The following RBFOX2 variants were observed in gnomAD, a reference collection of about 807,000 sequenced individuals.
RBFOX2 encodes RNA binding protein fox-1 homolog 2.
A neutral mutation model predicts 49.1 loss-of-function variants in RBFOX2; 10 were observed. That is an observed-to-expected ratio of 0.20 (90% confidence interval 0.13 to 0.35). RBFOX2 has a LOEUF of 0.35. Ranked by LOEUF, RBFOX2 falls within the 10% of genes least tolerant of loss-of-function variation. The pLI is 1.00. For synonymous variants in RBFOX2, 183 were observed against 187.4 expected (o/e 0.98, Z 0.19); for missense variants, 323 against 486.9 (o/e 0.66, Z 3.17).
upstream of RBFOX2, among the ~76,000 whole-genome samples, chr22:35,964,871 T>A (rs1320418166): frequency 6.6e-6 from 1 of 152,102 alleles, no homozygotes; most frequent in Non-Finnish European, 1.5e-5. Flanking sequence ...AACAATCACC[T>A]TTTCTGGAAA....
intron 2 of RBFOX2, among the ~76,000 whole-genome samples, chr22:35,790,042 T>C (rs1186866404): frequency 6.6e-6 from 1 of 152,214 alleles, no homozygotes; most frequent in Non-Finnish European, 1.5e-5. Flanking sequence ...TCCAATCTTC[T>C]AACTGATGTC....
intron 1 of RBFOX2, among the ~76,000 whole-genome samples, chr22:36,014,070 C>CT (rs1411918844): frequency 1.3e-4 from 19 of 149,058 alleles, no homozygotes; most frequent in Non-Finnish European, 2.7e-4. Context: ...AGTTATTTAA[C>CT]TTTTTTTGGT....
At chr22:35,809,902 C>T (rs375007449) in exon 2 of RBFOX2, 4 of 1,613,898 alleles carry the variant, frequency 2.5e-6, no homozygotes, top group South Asian at 1.1e-5. Context: ...GTGTGTGGCA[C>T]CCCATACTCT....
intron 1 of RBFOX2, among the ~76,000 whole-genome samples, chr22:36,013,010 C>T (rs990529026): frequency 5.3e-5 from 8 of 152,182 alleles, no homozygotes; most frequent in African/African-American, 1.4e-4. Flanking sequence ...GTGATTCGCC[C>T]GCCTCGGCTT....
chr22:35,896,246 C>G (rs2047827317), intron 1 of RBFOX2, among the ~76,000 whole-genome samples: 2 of 152,196 alleles, frequency 1.3e-5, no homozygotes, highest in Non-Finnish European at 2.9e-5. Flanking sequence ...GACCTAACAT[C>G]TCGTCTTGGC....
intron 1 of RBFOX2, among the ~76,000 whole-genome samples, chr22:36,010,684 T>C (rs12163494): frequency 6.6e-6 from 1 of 151,372 alleles, no homozygotes; most frequent in African/African-American, 2.4e-5. Context: ...AAGCCTAAGT[T>C]TGATATCATT....
chr22:35,818,639 T>C (rs1399212545), intron 1 of RBFOX2, among the ~76,000 whole-genome samples: 3 of 151,920 alleles, frequency 2.0e-5, no homozygotes, highest in Non-Finnish European at 2.9e-5. Context: ...TTTTTTTAAA[T>C]AGCCAGGTGT....
intron 1 of RBFOX2, among the ~76,000 whole-genome samples, chr22:35,895,147 C>T (rs2047689494): frequency 6.6e-6 from 1 of 151,702 alleles, no homozygotes; most frequent in Non-Finnish European, 1.5e-5. Context: ...CTAGAGTGTA[C>T]AGCACACTCT....
At chr22:35,876,701 A>AACACACACACACACACACAC (rs142455818) in intron 1 of RBFOX2, among the ~76,000 whole-genome samples, 1 of 140,458 alleles carries the variant, frequency 7.1e-6, no homozygotes, top group Non-Finnish European at 1.6e-5. Flanking sequence ...CATTAAAAGA[A>AACACACACACACACACACAC]ACACACACAC....
rs563174479 is a variant in RBFOX2, at chr22:35,868,528, C to T, written c.-33-58524G>A. Among the ~76,000 whole-genome samples, 90 of 151,980 alleles carry T rather than the reference C, an allele frequency of 5.9e-4. No individual in the cohort carries two copies. The Middle Eastern group carries it at 0.014, about 23-fold the overall frequency. On this transcript the variant is annotated intron_variant, in intron 1 of 13. Transcript: ENST00000359369. Reference sequence around the variant, plus strand: ...AATCTGGGAGGCCAAGGTGGGAGGACTGCTTCAGCCCAGGAGTTCAAGACC... The same window carrying T: ...AATCTGGGAGGCCAAGGTGGGAGGATTGCTTCAGCCCAGGAGTTCAAGACC...
chr22:35,807,935 T>A (rs969720700), intron 2 of RBFOX2, among the ~76,000 whole-genome samples: 3 of 151,978 alleles, frequency 2.0e-5, no homozygotes, highest in Admixed American at 2.0e-4. Context: ...AACGATTATA[T>A]GAAATTATGA....
At chr22:35,965,963 G>A (rs556257432), upstream of RBFOX2, among the ~76,000 whole-genome samples, 223 of 151,234 alleles carry the variant, frequency 1.5e-3, 1 homozygote, top group Non-Finnish European at 2.7e-3. Flanking sequence ...CCATCCCCCC[G>A]CCCCCTGCCA....
At chr22:35,801,327 CATATAGGCAGATA>C (rs1334962729) in intron 2 of RBFOX2, among the ~76,000 whole-genome samples, 1 of 152,060 alleles carries the variant, frequency 6.6e-6, no homozygotes, top group African/African-American at 2.4e-5. Context: ...TTTTAAGAGA[CATATAGGCAGATA>C]GTAAGTTTAA....
intron 2 of RBFOX2, among the ~76,000 whole-genome samples, chr22:35,787,988 A>T (rs1321091756): frequency 6.6e-6 from 1 of 152,226 alleles, no homozygotes; most frequent in African/African-American, 2.4e-5. Context: ...TCCCTGGTGC[A>T]GCTGAGCTAG....
chr22:36,028,498 G>A, exon 1 of RBFOX2: 1 of 1,075,148 alleles, frequency 9.3e-7, no homozygotes, highest in Non-Finnish European at 1.1e-6. Flanking sequence ...CCTCGGCCCC[G>A]ACTGTCGCGA....
intron 1 of RBFOX2, among the ~76,000 whole-genome samples, chr22:35,886,023 A>T (rs1402114726): frequency 6.6e-6 from 1 of 151,178 alleles, no homozygotes; most frequent in African/African-American, 2.4e-5. Context: ...CATCCGGCTA[A>T]TTTTTTGTAT....
At chr22:36,016,203 T>C (rs777614706) in intron 1 of RBFOX2, among the ~76,000 whole-genome samples, 4 of 151,392 alleles carry the variant, frequency 2.6e-5, no homozygotes, top group Admixed American at 6.6e-5. Context: ...AAAAGCTTCT[T>C]AAAAGAAAAA....
At chr22:35,952,917 T>C (rs558208320) in intron 1 of RBFOX2, among the ~76,000 whole-genome samples, 53 of 152,174 alleles carry the variant, frequency 3.5e-4, no homozygotes, top group Admixed American at 2.3e-3. Flanking sequence ...CTACTCACAA[T>C]AGCCAAAGGA....
At position 35,937,349 on chromosome 22, in the gene RBFOX2, C is replaced by A. The variant is rs140548501; in HGVS notation, c.-34+1498G>T. 4.6e-5 allele frequency among the ~76,000 whole-genome samples: 7 copies of A among 152,190 alleles called. 1 individual carries two copies. The highest frequency in any genetic ancestry group is 1.7e-4 in the African/African-American group (7 of 41,506). The stretch of plus-strand genomic sequence containing the variant: ...TTCTCTTTAGATTTAGGGTAAATGG[C>A]CCTATCTTTTACCAAAAGCTTCCAT... On this transcript the variant is annotated intron_variant, in intron 1 of 13. Transcript: ENST00000359369.
Sources: allele counts gnomAD v4.1 joint callset (sites outside exome capture counted in the v4.1 genomes callset), GRCh38; gene constraint gnomAD v4.1.1; transcripts MANE v1.5; gene names NCBI Gene and HGNC (gene_info 2026-07-23, HGNC 2026-07-21).